Variants in SMURF1 observed in about 807,000 individuals in gnomAD.
The protein encoded by SMURF1 is SMAD specific E3 ubiquitin protein ligase 1.
A neutral mutation model predicts 98.0 loss-of-function variants in SMURF1; 44 were observed. The observed-to-expected ratio is 0.45, with a 90% confidence interval of 0.35 to 0.58. The LOEUF is 0.58. Ranked by LOEUF, SMURF1 falls within the 20% of genes least tolerant of loss-of-function variation. SMURF1 has a pLI of 0.00. For missense variants in SMURF1, 687 were observed against 938.4 expected, an observed-to-expected ratio of 0.73 and a Z score of 3.50; for synonymous variants, 396 against 374.9, an observed-to-expected ratio of 1.06 and a Z score of -0.65.
At position 99,047,720 on chromosome 7, in the gene SMURF1, A is replaced by G. The variant is rs202201465; in HGVS notation, c.1116T>C (p.His372=). The G allele has an allele frequency of 1.1e-5, 17 of 1,614,100 alleles. No homozygotes were observed. Among genetic ancestry groups the G allele is most frequent in the South Asian group, 2.2e-5 (2 of 91,088 alleles). The change falls in exon 10 of 18, where the codon CAT becomes CAC. Residue 372 remains histidine, a synonymous_variant. Coordinates refer to ENST00000361368, the MANE Select transcript of SMURF1 (RefSeq NM_181349.3). ...ELSLQQPQAG[H]CRIEVSREEI... ...CTTCTCTGGACACTTCGATGCGGCA[A>G]TGACCAGCTTGGGGCTGCTGAAGCG... is the stretch of plus-strand genomic sequence containing the variant.
Position 99,057,204 on chromosome 7 carries a change from C to T in SMURF1, c.403+1G>A. The T allele has an allele frequency of 1.2e-6, 2 of 1,613,736 alleles. No homozygotes were observed. The highest frequency in any genetic ancestry group is 1.7e-6 in the Non-Finnish European group (2 of 1,179,730). On this transcript the variant is annotated splice_donor_variant, in intron 5 of 17. Transcript: ENST00000361368. LOFTEE classifies it high-confidence loss of function. ...CTTTACACAGACAAGAAAGTTCTTA[C>T]CCACTATCTGGCCACGAACTGCATC... is the stretch of plus-strand genomic sequence containing the variant.
intron 11 of SMURF1, among the ~76,000 whole-genome samples, chr7:99,043,356 C>A (rs1276717362): frequency 1.3e-5 from 2 of 152,160 alleles, no homozygotes; most frequent in Admixed American, 6.5e-5. Flanking sequence ...CAACTGAAAT[C>A]TCTCCACCGT....
At chr7:99,080,394 G>A (rs1017555137) in intron 1 of SMURF1, among the ~76,000 whole-genome samples, 2 of 152,184 alleles carry the variant, frequency 1.3e-5, no homozygotes, top group African/African-American at 4.8e-5. Context: ...CTGCCTCCCA[G>A]GTTCAAGTGA....
rs999752053 is a variant in SMURF1, at chr7:99,050,723, G to C, written c.806+634C>G. 2.2e-5 allele frequency: 12 copies of C among 543,170 alleles called. 1 individual carries two copies. The highest frequency in any genetic ancestry group is 4.0e-5 in the Non-Finnish European group (12 of 303,194). 33.6% of individuals were successfully genotyped at this position (543,170 alleles called of 1,614,324 possible). A position where few individuals can be genotyped will look rare whatever the true frequency, so the allele number is the denominator to read the frequency against. On this transcript the variant is annotated intron_variant, in intron 8 of 17. Coordinates refer to ENST00000361368, the MANE Select transcript of SMURF1 (RefSeq NM_181349.3). The stretch of plus-strand genomic sequence containing the variant: ...TTTCCAGTCTCATTATAGGTACTGA[G>C]TCATACATTAAACATAGTCTTGGAA...
intron 1 of SMURF1, among the ~76,000 whole-genome samples, chr7:99,074,229 C>T (rs1025962550): frequency 6.6e-6 from 1 of 152,208 alleles, no homozygotes; most frequent in African/African-American, 2.4e-5. Context: ...AAGAAGGTGA[C>T]TGGGGAACTG....
At chr7:99,074,112 A>T (rs1356270086) in intron 1 of SMURF1, among the ~76,000 whole-genome samples, 3 of 152,228 alleles carry the variant, frequency 2.0e-5, no homozygotes, top group Non-Finnish European at 4.4e-5. Context: ...ATTTCATACA[A>T]TGCCACTTAT....
chr7:99,109,410 C>G (rs1039690003), intron 1 of SMURF1, among the ~76,000 whole-genome samples: 1 of 152,194 alleles, frequency 6.6e-6, no homozygotes, highest in African/African-American at 2.4e-5. Flanking sequence ...CCCACCAGGT[C>G]ACAAACCCTC....
intron 12 of SMURF1, 129 bp from the exon 13 acceptor site, chr7:99,040,685 C>G: frequency 1.3e-6 from 1 of 790,114 alleles, no homozygotes; most frequent in Admixed American, 4.2e-5. Flanking sequence ...CAGGGACTCA[C>G]AGGCCCCGCT....
intron 9 of SMURF1, 36 bp from the exon 10 acceptor site, chr7:99,047,918 C>G: frequency 6.2e-7 from 1 of 1,604,614 alleles, no homozygotes; most frequent in Non-Finnish European, 8.5e-7. Context: ...CACTCCGAAG[C>G]CCCGGCCAGG....
intron 14 of SMURF1, 59 bp from the exon 15 acceptor site, chr7:99,037,246 G>T: frequency 1.2e-6 from 2 of 1,605,710 alleles, no homozygotes; most frequent in Non-Finnish European, 8.5e-7. Flanking sequence ...CCATGGGCAG[G>T]TTTTTTTTGG....
In SMURF1 at chr7:99,052,193, A is replaced by G; in HGVS notation, c.721+12T>C. On this transcript the variant is annotated intron_variant, in intron 7 of 17. Transcript: ENST00000361368. ...CAGATGGCATTGGCCACAGCAGGATACATTCTCTCACCGTAGCCTTCGGGC... is the reference window on the plus strand; with the variant it reads ...CAGATGGCATTGGCCACAGCAGGATGCATTCTCTCACCGTAGCCTTCGGGC... The G allele has an allele frequency of 6.5e-7, 1 of 1,530,336 alleles. No individual in the cohort carries two copies. The allele number at this position is 1,530,336 out of a possible 1,614,324, so 94.8% of individuals were successfully genotyped here.
chr7:99,112,726 T>C (rs1797350978), intron 1 of SMURF1, among the ~76,000 whole-genome samples: 1 of 152,008 alleles, frequency 6.6e-6, no homozygotes, highest in African/African-American at 2.4e-5. Context: ...CTTGAAGAGC[T>C]AAAAACAAAA....
intron 1 of SMURF1, among the ~76,000 whole-genome samples, chr7:99,079,996 GAAAA>G: frequency 8.0e-6 from 1 of 125,506 alleles, no homozygotes; most frequent in East Asian, 2.3e-4. Context: ...GATTAGTTAA[GAAAA>G]AAAAAAAAAG....
chr7:99,038,919 T>TA (rs1487105544), intron 13 of SMURF1, among the ~76,000 whole-genome samples: 1 of 151,912 alleles, frequency 6.6e-6, no homozygotes, highest in Non-Finnish European at 1.5e-5. Flanking sequence ...CCTGGCCAGG[T>TA]ACAGCGGCTT....
chr7:99,068,091 C>T (rs986645106), intron 1 of SMURF1, among the ~76,000 whole-genome samples: 2 of 152,362 alleles, frequency 1.3e-5, no homozygotes, highest in South Asian at 2.1e-4. Flanking sequence ...TGGCTAGAAA[C>T]TTTCACTGCA....
intron 11 of SMURF1, among the ~76,000 whole-genome samples, chr7:99,043,183 A>G (rs558310524): frequency 5.9e-5 from 9 of 152,332 alleles, no homozygotes; most frequent in African/African-American, 2.2e-4. Context: ...GCGTAAAGAT[A>G]CAATCAGTTC....
chr7:99,126,611 C>T (rs1488624242), intron 1 of SMURF1, among the ~76,000 whole-genome samples: 10 of 152,018 alleles, frequency 6.6e-5, no homozygotes, highest in Non-Finnish European at 8.8e-5. Flanking sequence ...GCTGAGATTG[C>T]GCCATTGCAC....
At chr7:99,050,907 T>A in intron 8 of SMURF1, 2 of 1,427,882 alleles carry the variant, frequency 1.4e-6, no homozygotes, top group Non-Finnish European at 1.9e-6. Flanking sequence ...GGGGGGGGTC[T>A]CTCTAACCTG....
chr7:99,032,650 C>G (rs1794951573), intron 17 of SMURF1, among the ~76,000 whole-genome samples: 1 of 152,128 alleles, frequency 6.6e-6, no homozygotes, highest in African/African-American at 2.4e-5. Context: ...TCCTGAGTGA[C>G]AAAGCAAGAC....
Sources: allele counts gnomAD v4.1 joint callset (sites outside exome capture counted in the v4.1 genomes callset), GRCh38; gene constraint gnomAD v4.1.1; transcripts MANE v1.5; gene names NCBI Gene and HGNC (gene_info 2026-07-23, HGNC 2026-07-21).